Variants in DNAJC3 observed in about 807,000 individuals in gnomAD.
DNAJC3 encodes the protein dnaJ homolog subfamily C member 3.
Under a neutral mutation model 68.6 loss-of-function variants are expected in DNAJC3, and 38 were observed. That is an observed-to-expected ratio of 0.55 (90% CI 0.43 to 0.73). The LOEUF is 0.73. Among genes scored for constraint, DNAJC3 ranks in the 30% least tolerant of loss-of-function variants. DNAJC3 has a pLI of 0.00. For missense variants in DNAJC3, 526 were observed against 591.9 expected (o/e 0.89, Z 1.16); for synonymous variants, 203 against 204.0 (o/e 1.00, Z 0.04).
chr13:95,765,923 A>G lies in DNAJC3; in HGVS notation c.1075+1970A>G, dbSNP rs181205708. Among the ~76,000 whole-genome samples the G allele has an allele frequency of 3.5e-3, 539 of 152,084 alleles. 3 individuals carry two copies. The highest frequency in any genetic ancestry group is 0.012 in the African/African-American group (513 of 41,504). On this transcript the variant is annotated intron_variant, in intron 9 of 11. Transcript: ENST00000602402. The stretch of plus-strand genomic sequence containing the variant: ...AATTCTTTTCTATAGGAATTTATTA[A>G]AGAGAGAGAGAGAATAGTTGCCAGC...
At chr13:95,727,074 C>G (rs774959917) in intron 4 of DNAJC3, among the ~76,000 whole-genome samples, 5 of 152,128 alleles carry the variant, frequency 3.3e-5, no homozygotes, top group African/African-American at 4.8e-5. Context: ...AGTAATCTTT[C>G]CCTAGCCCAG....
chr13:95,690,976 C>CCCACCT (rs1395748285), intron 1 of DNAJC3, among the ~76,000 whole-genome samples: 1 of 141,480 alleles, frequency 7.1e-6, no homozygotes, highest in Non-Finnish European at 1.5e-5. Context: ...GGCTGACACC[C>CCCACCT]CCACCTCCCT....
intron 9 of DNAJC3, among the ~76,000 whole-genome samples, chr13:95,765,567 G>GTTTTTTTTT (rs1024972959): frequency 3.9e-5 from 4 of 102,344 alleles, no homozygotes; most frequent in African/African-American, 1.1e-4. Flanking sequence ...TAATTGATCT[G>GTTTTTTTTT]TTTTTTTTTT....
At chr13:95,697,788 T>G (rs960438019) in intron 1 of DNAJC3, among the ~76,000 whole-genome samples, 9 of 80,672 alleles carry the variant, frequency 1.1e-4, no homozygotes, top group Admixed American at 3.6e-4. Context: ...TTCAAGAAGT[T>G]TTTTTTTTTT....
intron 2 of DNAJC3, among the ~76,000 whole-genome samples, chr13:95,709,691 G>C (rs1178935313): frequency 6.8e-6 from 1 of 147,016 alleles, no homozygotes; most frequent in Admixed American, 6.9e-5. Flanking sequence ...CCAGGCTGGA[G>C]TGCAGTGGCA....
chr13:95,746,496 A>G (rs1208636594), intron 4 of DNAJC3, among the ~76,000 whole-genome samples: 1 of 152,196 alleles, frequency 6.6e-6, no homozygotes, highest in Admixed American at 6.5e-5. Context: ...ACATATTCCT[A>G]TCTTTATTGT....
At chr13:95,742,857 A>G (rs764012925) in intron 4 of DNAJC3, 8 of 517,802 alleles carry the variant, frequency 1.5e-5, no homozygotes, top group South Asian at 2.8e-5. Context: ...AGTATTCACT[A>G]CGCCGTAGGA....
intron 9 of DNAJC3, among the ~76,000 whole-genome samples, chr13:95,773,785 GGA>G (rs1207298186): frequency 1.5e-5 from 2 of 136,760 alleles, no homozygotes; most frequent in African/African-American, 5.6e-5. Flanking sequence ...TCGCCAGGCT[GGA>G]GTACAGTGGA....
At chr13:95,776,902 A>G (rs867532214) in intron 9 of DNAJC3, among the ~76,000 whole-genome samples, 3 of 151,892 alleles carry the variant, frequency 2.0e-5, no homozygotes, top group Non-Finnish European at 4.4e-5. Flanking sequence ...TTCTTTTCCC[A>G]TGTTTCGTCA....
chr13:95,680,418 C>T (rs1879882481), intron 1 of DNAJC3, among the ~76,000 whole-genome samples: 1 of 152,044 alleles, frequency 6.6e-6, no homozygotes, highest in African/African-American at 2.4e-5. Context: ...TTATTTGAAC[C>T]TAACCTATTA....
chr13:95,691,755 C>G (rs1880269038), intron 1 of DNAJC3, among the ~76,000 whole-genome samples: 1 of 152,214 alleles, frequency 6.6e-6, no homozygotes, highest in Admixed American at 6.5e-5. Flanking sequence ...TGCACTCCAG[C>G]CTGGGCACCA....
intron 9 of DNAJC3, among the ~76,000 whole-genome samples, chr13:95,769,729 C>T (rs543020232): frequency 2.0e-5 from 3 of 152,320 alleles, no homozygotes; most frequent in East Asian, 3.9e-4. Context: ...TATTCACACT[C>T]GGGCCTCTCA....
In DNAJC3 at chr13:95,785,993, G is replaced by A. The variant is rs762907929; in HGVS notation, c.1130G>A (p.Arg377Gln). Reference protein sequence around the residue: ...QEHNENDQQIREGLEKAQRLL... With the variant: ...QEHNENDQQIQEGLEKAQRLL... ...CACAATGAAAATGATCAGCAGATTC[G>A]AGAAGGTCTAGAGAAAGCACAAAGA... The change falls in exon 10 of 12, where the codon CGA becomes CAA. Residue 377 changes from arginine to glutamine, a missense_variant. Transcript: ENST00000602402. 1.9e-6 allele frequency: 3 copies of A among 1,611,378 alleles called. No individual in the cohort carries two copies. The highest frequency in any genetic ancestry group is 1.7e-6 in the Non-Finnish European group (2 of 1,178,954).
At chr13:95,754,200 CA>C (rs1262379370) in intron 4 of DNAJC3, among the ~76,000 whole-genome samples, 1 of 152,220 alleles carries the variant, frequency 6.6e-6, no homozygotes, top group Non-Finnish European at 1.5e-5. Flanking sequence ...AGGGCTTGGC[CA>C]GTAAACGATC....
chr13:95,683,932 CA>C (rs33918497), intron 1 of DNAJC3, among the ~76,000 whole-genome samples: 81 of 117,332 alleles, frequency 6.9e-4, no homozygotes, highest in African/African-American at 2.1e-3. Flanking sequence ...AACTCCATCT[CA>C]AAAAAAAAAA....
intron 1 of DNAJC3, among the ~76,000 whole-genome samples, chr13:95,691,354 C>G (rs1183406736): frequency 1.3e-5 from 2 of 151,280 alleles, no homozygotes; most frequent in Non-Finnish European, 2.9e-5. Flanking sequence ...GGTTGCCAGG[C>G]AGAGGGTCTC....
chr13:95,680,105 A>G (rs1879873962), intron 1 of DNAJC3, among the ~76,000 whole-genome samples: 1 of 152,218 alleles, frequency 6.6e-6, no homozygotes, highest in Non-Finnish European at 1.5e-5. Context: ...AGAAAACTTT[A>G]GTAGTATCTG....
intron 1 of DNAJC3, among the ~76,000 whole-genome samples, chr13:95,691,134 G>T (rs779708513): frequency 6.7e-6 from 1 of 148,466 alleles, no homozygotes; most frequent in Non-Finnish European, 1.5e-5. Context: ...GCGGCTGGCC[G>T]GGCAGGGGGC....
At chr13:95,718,763 A>T (rs1352987283) in intron 2 of DNAJC3, among the ~76,000 whole-genome samples, 1 of 152,152 alleles carries the variant, frequency 6.6e-6, no homozygotes, top group Non-Finnish European at 1.5e-5. Context: ...GGACAAAAAA[A>T]TTCAGTTTCT....
Sources: allele counts gnomAD v4.1 joint callset (sites outside exome capture counted in the v4.1 genomes callset), GRCh38; gene constraint gnomAD v4.1.1; transcripts MANE v1.5; gene names NCBI Gene and HGNC (gene_info 2026-07-23, HGNC 2026-07-21).